Variants in ATRNL1 observed in about 807,000 individuals in gnomAD.
ATRNL1 encodes the protein attractin like 1, also known as attractin-like protein 1.
In ATRNL1, 95 loss-of-function variants were observed where a neutral mutation model predicts 182.7. That is an observed-to-expected ratio of 0.52 (90% confidence interval 0.44 to 0.62). The LOEUF (loss-of-function observed/expected upper bound fraction) is 0.62, where lower values mean the gene tolerates loss of function less well. ATRNL1 is among the 20% of genes least tolerant of loss of function. The pLI is 0.00. For synonymous variants in ATRNL1, 576 were observed against 568.3 expected (o/e 1.01, Z -0.19); for missense variants, 1,471 against 1,679.5 (o/e 0.88, Z 2.17).
intron 27 of ATRNL1, among the ~76,000 whole-genome samples, chr10:115,834,169 C>T (rs932686787): frequency 3.9e-5 from 6 of 152,176 alleles, no homozygotes; most frequent in Admixed American, 3.3e-4. Flanking sequence ...ACTCCAAGAA[C>T]TTGCTCCCCA....
chr10:115,690,078 C>T (rs1443687316), intron 26 of ATRNL1, among the ~76,000 whole-genome samples: 2 of 152,160 alleles, frequency 1.3e-5, no homozygotes, highest in Non-Finnish European at 2.9e-5. Flanking sequence ...TGCACTACTG[C>T]TGGAGACAGA....
intron 26 of ATRNL1, among the ~76,000 whole-genome samples, chr10:115,711,811 A>G (rs533165116): frequency 6.6e-6 from 1 of 152,326 alleles, no homozygotes; most frequent in East Asian, 1.9e-4. Context: ...GGCCATATTA[A>G]ATAACTCTAA....
chr10:115,812,565 C>G (rs1191286291), intron 27 of ATRNL1, among the ~76,000 whole-genome samples: 1 of 152,152 alleles, frequency 6.6e-6, no homozygotes, highest in East Asian at 1.9e-4. Context: ...CAGTCTCTGC[C>G]TCCTGGGTTC....
At chr10:115,158,359 C>T (rs544548784) in intron 5 of ATRNL1, among the ~76,000 whole-genome samples, 2 of 152,074 alleles carry the variant, frequency 1.3e-5, no homozygotes, top group East Asian at 3.9e-4. Context: ...TCTGCTAAAG[C>T]AGCCATAGAC....
intron 20 of ATRNL1, among the ~76,000 whole-genome samples, chr10:115,420,549 T>C (rs620843): frequency 0.37 from 55,727 of 151,948 alleles, 11,085 homozygotes; most frequent in African/African-American, 0.52. Flanking sequence ...TTATGGGATA[T>C]AGCAAAAACA....
At chr10:115,822,862 G>C (rs555941524) in intron 27 of ATRNL1, among the ~76,000 whole-genome samples, 29 of 152,082 alleles carry the variant, frequency 1.9e-4, no homozygotes, top group Non-Finnish European at 4.0e-4. Flanking sequence ...ACAAAAAGGA[G>C]CTGGTACCAT....
intron 10 of ATRNL1, among the ~76,000 whole-genome samples, chr10:115,256,818 G>A (rs1333419110): frequency 6.6e-6 from 1 of 152,228 alleles, no homozygotes; most frequent in Non-Finnish European, 1.5e-5. Flanking sequence ...ATGTGTCCCA[G>A]AGATTCTGGT....
intron 22 of ATRNL1, among the ~76,000 whole-genome samples, chr10:115,463,866 T>C (rs1463783717): frequency 6.6e-6 from 1 of 152,082 alleles, no homozygotes; most frequent in Non-Finnish European, 1.5e-5. Flanking sequence ...TTAATAGTAA[T>C]TCCAAACCTG....
chr10:115,249,914 A>T (rs1458027347), intron 10 of ATRNL1, among the ~76,000 whole-genome samples: 1 of 152,140 alleles, frequency 6.6e-6, no homozygotes, highest in Non-Finnish European at 1.5e-5. Context: ...AATGTAGGAG[A>T]CTTTTTAGTG....
At chr10:115,744,945 C>T (rs1437620948) in intron 27 of ATRNL1, among the ~76,000 whole-genome samples, 1 of 151,900 alleles carries the variant, frequency 6.6e-6, no homozygotes, top group Non-Finnish European at 1.5e-5. Context: ...AATAAGAAGC[C>T]TCATTCATAC....
At chr10:115,256,908 A>T (rs903205663) in intron 10 of ATRNL1, among the ~76,000 whole-genome samples, 3 of 152,198 alleles carry the variant, frequency 2.0e-5, no homozygotes, top group Non-Finnish European at 4.4e-5. Context: ...GTCATTCAGG[A>T]GCAAGTTCAG....
At chr10:115,167,018 G>C (rs1166376192) in intron 7 of ATRNL1, among the ~76,000 whole-genome samples, 1 of 151,756 alleles carries the variant, frequency 6.6e-6, no homozygotes, top group African/African-American at 2.4e-5. Context: ...TTTCTCATAA[G>C]AGTTTTAAAG....
At position 115,464,653 on chromosome 10, in the gene ATRNL1, A is replaced by G. The variant is rs184853960; in HGVS notation, c.3418-2521A>G. ...AGTTTTATAGGTTTTTTAAATATCA[A>G]TTGGAAATTTTGTGTGACCTTTTAG... is the stretch of plus-strand genomic sequence containing the variant. On this transcript the variant is annotated intron_variant, in intron 22 of 28. Coordinates refer to ENST00000355044, the MANE Select transcript of ATRNL1 (RefSeq NM_207303.4). Among the ~76,000 whole-genome samples the G allele has an allele frequency of 2.3e-4, 35 of 152,066 alleles. 1 individual carries two copies. Among genetic ancestry groups the G allele is most frequent in the Admixed American group, 2.2e-3 (33 of 15,246 alleles).
intron 28 of ATRNL1, among the ~76,000 whole-genome samples, chr10:115,867,716 T>C (rs1256839031): frequency 2.0e-5 from 3 of 147,828 alleles, no homozygotes; most frequent in Non-Finnish European, 4.4e-5. Context: ...GTTTGGAATG[T>C]GGCCACCCTG....
At chr10:115,833,521 A>G (rs181836128) in intron 27 of ATRNL1, among the ~76,000 whole-genome samples, 1 of 152,220 alleles carries the variant, frequency 6.6e-6, no homozygotes, top group South Asian at 2.1e-4. Flanking sequence ...GTAAGAGTGT[A>G]TGCTATGTTA....
At chr10:115,831,372 C>T (rs1182370970) in intron 27 of ATRNL1, among the ~76,000 whole-genome samples, 1 of 152,118 alleles carries the variant, frequency 6.6e-6, no homozygotes, top group Non-Finnish European at 1.5e-5. Context: ...GGAGAGAGAA[C>T]TGGAGATCTA....
chr10:115,153,801 TTGTGA>T (rs1284246858), intron 5 of ATRNL1, among the ~76,000 whole-genome samples: 1 of 152,196 alleles, frequency 6.6e-6, no homozygotes, highest in Non-Finnish European at 1.5e-5. Flanking sequence ...GTTCTTTTAA[TTGTGA>T]TGTTAGGGTG....
chr10:115,719,287 G>A (rs1947348147), intron 26 of ATRNL1, among the ~76,000 whole-genome samples: 1 of 152,112 alleles, frequency 6.6e-6, no homozygotes, highest in African/African-American at 2.4e-5. Context: ...GCCACATGAA[G>A]TACAGAACTT....
intron 27 of ATRNL1, among the ~76,000 whole-genome samples, chr10:115,805,884 T>C (rs1949909923): frequency 6.6e-6 from 1 of 152,296 alleles, no homozygotes; most frequent in Admixed American, 6.5e-5. Flanking sequence ...TTCCCCAGCA[T>C]GGTATCCACT....
Sources: allele counts gnomAD v4.1 joint callset (sites outside exome capture counted in the v4.1 genomes callset), GRCh38; gene constraint gnomAD v4.1.1; transcripts MANE v1.5; gene names NCBI Gene and HGNC (gene_info 2026-07-23, HGNC 2026-07-21).